DENND2A: variants seen among roughly 807,000 people sequenced by gnomAD.
The protein encoded by DENND2A is DENN domain containing 2A.
In DENND2A, 53 loss-of-function variants were observed where a neutral mutation model predicts 105.3. The observed-to-expected ratio is 0.50, with a 90% CI of 0.40 to 0.63. The LOEUF (loss-of-function observed/expected upper bound fraction) is 0.63, where lower values mean the gene tolerates loss of function less well. Ranked by LOEUF, DENND2A falls within the 30% of genes least tolerant of loss-of-function variation. The probability of loss-of-function intolerance (pLI) is 0.00; values close to 1 mark genes in which losing one functional copy is unlikely to be tolerated. For synonymous variants in DENND2A, 522 were observed against 508.4 expected, an observed-to-expected ratio of 1.03 and a Z score of -0.36; for missense variants, 1,138 against 1,279.6, an observed-to-expected ratio of 0.89 and a Z score of 1.69.
intron 14 of DENND2A, among the ~76,000 whole-genome samples, chr7:140,534,617 C>T (rs1372518210): frequency 6.6e-6 from 1 of 152,148 alleles, no homozygotes; most frequent in African/African-American, 2.4e-5. Context: ...GGTGGGCACT[C>T]CTGGGACTGG....
At chr7:140,615,766 T>C (rs1800062215) in intron 1 of DENND2A, among the ~76,000 whole-genome samples, 1 of 151,528 alleles carries the variant, frequency 6.6e-6, no homozygotes, top group Non-Finnish European at 1.5e-5. Context: ...TTGGCCAGGC[T>C]GGTCTTGAAC....
chr7:140,554,022 TCA>T, intron 12 of DENND2A, among the ~76,000 whole-genome samples: 1 of 151,622 alleles, frequency 6.6e-6, no homozygotes, highest in East Asian at 1.9e-4. Flanking sequence ...GGTCAGGAGA[TCA>T]AGACCATCCT....
At position 140,567,347 on chromosome 7, in the gene DENND2A, A is replaced by C. The variant is rs1375297523; in HGVS notation, c.1592-74T>G. Reference sequence around the variant, plus strand: ...GAGAGAGAGAGAGAGAGAGAGAGACAGAGTGAGCAAAGAGCCTGAAATGAC... The same window carrying C: ...GAGAGAGAGAGAGAGAGAGAGAGACCGAGTGAGCAAAGAGCCTGAAATGAC... On this transcript the variant is annotated intron_variant, in intron 8 of 19. Coordinates refer to ENST00000496613, the MANE Select transcript of DENND2A (RefSeq NM_015689.5). The C allele has an allele frequency of 5.3e-6, 7 of 1,325,156 alleles. No individual in the cohort carries two copies. In the Admixed American group the frequency reaches 1.7e-4, roughly 33 times the overall value. 82.1% of individuals were successfully genotyped at this position (1,325,156 alleles called of 1,614,324 possible).
intron 12 of DENND2A, among the ~76,000 whole-genome samples, chr7:140,552,774 C>G (rs951085604): frequency 4.6e-5 from 7 of 152,084 alleles, no homozygotes; most frequent in Non-Finnish European, 7.3e-5. Context: ...GATACGATCA[C>G]AGCTCACCAC....
chr7:140,553,006 A>G (rs577119825), intron 12 of DENND2A, among the ~76,000 whole-genome samples: 1 of 152,116 alleles, frequency 6.6e-6, no homozygotes, highest in Admixed American at 6.6e-5. Flanking sequence ...TTGCCCCTCC[A>G]CACCTGTTGG....
At chr7:140,635,080 T>C (rs377117643) in intron 1 of DENND2A, among the ~76,000 whole-genome samples, 3 of 151,644 alleles carry the variant, frequency 2.0e-5, no homozygotes, top group African/African-American at 7.3e-5. Context: ...CTGGGCAACA[T>C]GGGGAAACTC....
At position 140,527,544 on chromosome 7, in the gene DENND2A, G is replaced by C. The variant is rs748733944; in HGVS notation, c.2328-49C>G. 6.5e-7 allele frequency: 1 copy of C among 1,532,100 alleles called. No individual in the cohort carries two copies. Among genetic ancestry groups the C allele is most frequent in the African/African-American group, 1.4e-5 (1 of 73,730 alleles). 94.9% of individuals were successfully genotyped at this position (1,532,100 alleles called of 1,614,324 possible). A position where few individuals can be genotyped will look rare whatever the true frequency, so the allele number is the denominator to read the frequency against. On this transcript the variant is annotated intron_variant, in intron 14 of 19. Transcript: ENST00000496613. The surrounding 1 kb of genome is among the most constrained non-coding windows in gnomAD (Gnocchi z 4.9). ...AGAGAGGCCGACTCAGCGAGGGCCC[G>C]AGGAAGCCTCCAGGGGAGAAGGCTC...
chr7:140,590,161 G>A (rs1798954600), intron 3 of DENND2A, among the ~76,000 whole-genome samples: 2 of 151,624 alleles, frequency 1.3e-5, no homozygotes, highest in Non-Finnish European at 2.9e-5. Context: ...AGGCCGAGGC[G>A]GGCGGATCAC....
At chr7:140,586,303 G>C (rs1313833294) in intron 4 of DENND2A, among the ~76,000 whole-genome samples, 2 of 151,896 alleles carry the variant, frequency 1.3e-5, no homozygotes, top group African/African-American at 4.8e-5. Flanking sequence ...TGGATCACTT[G>C]AGCCCAGGAG....
chr7:140,606,976 C>G (rs1414309897), intron 1 of DENND2A, among the ~76,000 whole-genome samples: 1 of 152,200 alleles, frequency 6.6e-6, no homozygotes, highest in Admixed American at 6.6e-5. Flanking sequence ...TGGGGCCCAT[C>G]AGAGAAGGCC....
At chr7:140,617,855 G>C (rs1800140462) in intron 1 of DENND2A, among the ~76,000 whole-genome samples, 2 of 152,216 alleles carry the variant, frequency 1.3e-5, no homozygotes, top group Admixed American at 6.5e-5. Context: ...CCGGATGCCA[G>C]AGGCAGCTAA....
intron 3 of DENND2A, among the ~76,000 whole-genome samples, chr7:140,591,659 CTTT>C (rs1799024620): frequency 6.8e-6 from 1 of 147,404 alleles, no homozygotes; most frequent in African/African-American, 2.6e-5. Flanking sequence ...TCCTTCCTTT[CTTT>C]CTTTCTTTCT....
intron 4 of DENND2A, 113 bp downstream of exon 4, chr7:140,587,540 G>C (rs1283952873): frequency 1.1e-5 from 13 of 1,136,466 alleles, no homozygotes; most frequent in Non-Finnish European, 1.6e-5. Context: ...GTGTCTTCAA[G>C]TGTGTGTGTG....
In DENND2A at chr7:140,571,993, TC is replaced by T. The variant is rs1798111654; in HGVS notation, c.1446+1814del. On this transcript the variant is annotated intron_variant, in intron 6 of 19. Transcript: ENST00000496613. ...TTCAGCAGAACCATCTCTCTCTCTC[TC>T]TCTCTCTCTGTCTCTCTTTTATTTT... 5.9e-5 allele frequency among the ~76,000 whole-genome samples: 9 copies of T among 151,902 alleles called. 1 individual carries two copies. The highest frequency in any genetic ancestry group is 2.2e-4 in the African/African-American group (9 of 41,406).
In DENND2A at chr7:140,559,880, TGATGGTAAG is replaced by T; in HGVS notation, c.1780-72_1780-64del. 1 of 1,270,198 alleles carries T rather than the reference TGATGGTAAG, an allele frequency of 7.9e-7. No individual in the cohort carries two copies. The highest frequency in any genetic ancestry group is 1.1e-6 in the Non-Finnish European group (1 of 876,334). 78.7% of individuals were successfully genotyped at this position (1,270,198 alleles called of 1,614,324 possible). On this transcript the variant is annotated intron_variant, in intron 9 of 19. Transcript: ENST00000496613. This position sits in a 1 kb window ranked among gnomAD's most constrained non-coding sequence, Gnocchi z 4.1. The stretch of plus-strand genomic sequence containing the variant: ...TCTCAGCATGGGAAATTGAGGCGGA[TGATGGTAAG>T]GATGGCCTCTCCCACCTTTCCACAT...
intron 8 of DENND2A, among the ~76,000 whole-genome samples, chr7:140,567,937 C>G (rs994510058): frequency 6.6e-6 from 1 of 152,110 alleles, no homozygotes; most frequent in South Asian, 2.1e-4. Flanking sequence ...GTTCAGCAAT[C>G]TGGACTTGCT....
upstream of DENND2A, among the ~76,000 whole-genome samples, chr7:140,641,053 G>T: frequency 6.6e-6 from 1 of 152,168 alleles, no homozygotes; most frequent in Admixed American, 6.5e-5. Context: ...ACCCAGGCCC[G>T]GGCGGATTCG....
rs754345800 is a variant in DENND2A at position 140,525,783 on chromosome 7, C to A, written c.2515G>T (p.Val839Phe). The A allele has an allele frequency of 6.2e-7, 1 of 1,603,688 alleles. No individual in the cohort carries two copies. The highest frequency in any genetic ancestry group is 8.5e-7 in the Non-Finnish European group (1 of 1,174,880). ...RELPLEEVLV[V>F]DLVNSRFLRQ... The stretch of plus-strand genomic sequence containing the variant: ...AGGAACCGGCTGTTGACGAGGTCAA[C>A]CACAAGGACCTATGAGATGAGACGA... Residue 839 changes from valine to phenylalanine, a missense_variant, in exon 16 of 20, where the codon GTT becomes TTT. Val to Phe is a conservative substitution (Grantham distance 50, BLOSUM62 -1). Transcript: ENST00000496613.
rs559651394 is a variant in DENND2A at position 140,523,307 on chromosome 7, C to G, written c.2665G>C (p.Gly889Arg). The G allele has an allele frequency of 6.2e-7, 1 of 1,613,970 alleles. No homozygotes were observed. Among genetic ancestry groups the G allele is most frequent in the African/African-American group, 1.3e-5 (1 of 74,928 alleles). ...QDEGPLDGRH[G>R]PESSPLNEVV... ...CACTGGGAGGTGGCTGAACACTTAC[C>G]GTGCCTGCCGTCTAGGGGCCCTTCG... Residue 889 changes from glycine to arginine, a missense_variant and splice_region_variant, in exon 17 of 20, where the codon GGT (glycine) becomes CGT (arginine). Gly to Arg is a moderately radical substitution (Grantham distance 125). Around this residue, in one of 2 missense-constraint regions of DENND2A, gnomAD observed 627 missense variants for 779.8 expected, o/e 0.80. Transcript: ENST00000496613. The surrounding 1 kb of genome is among the most constrained non-coding windows in gnomAD (Gnocchi z 4.5).
Sources: gnomAD v4.1 joint callset for allele counts (sites outside exome capture counted in the v4.1 genomes callset) on GRCh38, gnomAD v4.1.1 for gene constraint, gnomAD v4.1.1 regional missense constraint, Gnocchi (gnomAD v3.1) non-coding constraint, MANE v1.5 for transcripts, NCBI Gene and HGNC (gene_info 2026-07-23, HGNC 2026-07-21) for gene names.